ABR: variants seen among roughly 807,000 people sequenced by gnomAD.
The protein encoded by ABR is active breakpoint cluster region-related protein.
ABR carries 35 observed loss-of-function variants against 107.2 expected under a neutral mutation model. That is an observed-to-expected ratio of 0.33 (90% CI 0.25 to 0.43). ABR has a LOEUF of 0.43. Ranked by LOEUF, ABR falls within the 20% of genes least tolerant of loss-of-function variation. The pLI is 1.00. For missense variants in ABR, 815 were observed against 1,115.2 expected (o/e 0.73, Z 3.83); for synonymous variants, 498 against 462.0 (o/e 1.08, Z -1.00).
At chr17:1,215,390 T>C (rs1472066341) in intron 1 of ABR, among the ~76,000 whole-genome samples, 11 of 152,216 alleles carry the variant, frequency 7.2e-5, no homozygotes, top group South Asian at 2.1e-4. Flanking sequence ...AGGCGCGCGC[T>C]GCCATGCCTG....
chr17:1,136,095 CT>C (rs1384625889), intron 1 of ABR, among the ~76,000 whole-genome samples: 2 of 152,162 alleles, frequency 1.3e-5, no homozygotes, highest in African/African-American at 4.8e-5. Context: ...TCAGCCTGTC[CT>C]TCTGTCCTTT....
chr17:1,079,710 A>T (rs1167429877), intron 5 of ABR, among the ~76,000 whole-genome samples: 1 of 143,124 alleles, frequency 7.0e-6, no homozygotes, highest in Non-Finnish European at 1.5e-5. Flanking sequence ...AATCGCTTGA[A>T]CCTGGGAGGC....
At chr17:1,042,171 C>T (rs964280655) in intron 16 of ABR, among the ~76,000 whole-genome samples, 104 of 145,486 alleles carry the variant, frequency 7.1e-4, no homozygotes, top group Non-Finnish European at 1.2e-3. Context: ...CACGGATGGA[C>T]GGACGGACAG....
Position 1,012,740 on chromosome 17 carries a change from G to A in ABR, c.1909C>T (p.Pro637Ser). Reference protein sequence around the residue: ...TSRDMSLKRTPSKKQTGVFGV... With the variant: ...TSRDMSLKRTSSKKQTGVFGV... ...AAGACGCCGGTCTGCTTTTTGGACG[G>A]GGTCCTCTTCAGGCTCATATCTCGG... The change falls in exon 18 of 23, where the codon CCG (proline) becomes TCG (serine). Residue 637 changes from proline to serine, a missense_variant. By Grantham distance (74) the Pro-to-Ser change is moderately conservative. Transcript: ENST00000302538. The A allele has an allele frequency of 6.3e-7, 1 of 1,598,520 alleles. No individual in the cohort carries two copies. The highest frequency in any genetic ancestry group is 8.5e-7 in the Non-Finnish European group (1 of 1,171,924).
chr17:1,180,062 G>A (rs542313750), upstream of ABR, among the ~76,000 whole-genome samples: 3 of 147,822 alleles, frequency 2.0e-5, no homozygotes, highest in East Asian at 2.0e-4. Context: ...TGGTGCGGGG[G>A]CGGGGCGGGG....
chr17:1,112,285 G>A (rs1322959612), intron 2 of ABR, among the ~76,000 whole-genome samples: 1 of 152,266 alleles, frequency 6.6e-6, no homozygotes, highest in Non-Finnish European at 1.5e-5. Context: ...ACACGAGGCA[G>A]TGTTCTCGTT....
intron 16 of ABR, among the ~76,000 whole-genome samples, chr17:1,013,439 A>G (rs955126152): frequency 1.3e-5 from 2 of 149,282 alleles, no homozygotes; most frequent in African/African-American, 5.1e-5. Context: ...GGCAGGGCAC[A>G]CTCTGTTACC....
chr17:1,196,974 G>A (rs543068443), intron 1 of ABR, among the ~76,000 whole-genome samples: 1 of 151,866 alleles, frequency 6.6e-6, no homozygotes, highest in East Asian at 1.9e-4. Context: ...GATGACAGGC[G>A]TGAGCCACCG....
rs1045483775 is a variant in ABR, at chr17:1,179,929, C to T, written c.-202G>A. On this transcript the variant is annotated 5_prime_UTR_variant, in exon 1 of 23. Coordinates refer to ENST00000302538, the MANE Select transcript of ABR (RefSeq NM_021962.5). This position sits in a 1 kb window ranked among gnomAD's most constrained non-coding sequence, Gnocchi z 4.9. ...AGCCCCCAAAACCCTCCCGAACCCT[C>T]CCGGCCCCAGCGGCCGCGCCGAGCC... The T allele has an allele frequency of 2.3e-6, 1 of 437,340 alleles. No homozygotes were observed. Among genetic ancestry groups the T allele is most frequent in the East Asian group, 3.7e-5 (1 of 27,154 alleles). The allele number at this position is 437,340 out of a possible 1,614,324, so 27.1% of individuals were successfully genotyped here.
intron 16 of ABR, among the ~76,000 whole-genome samples, chr17:1,041,169 C>T (rs907468076): frequency 2.0e-5 from 3 of 152,044 alleles, no homozygotes; most frequent in African/African-American, 4.8e-5. Flanking sequence ...CCGCCCGCCT[C>T]GGCCTCCTAA....
Position 1,067,152 on chromosome 17 carries a change from C to A in ABR, c.1107G>T (p.Val369=). The A allele has an allele frequency of 6.2e-7, 1 of 1,613,802 alleles. No individual in the cohort carries two copies. The change falls in exon 10 of 23, where the codon GTG becomes GTT. Residue 369 remains valine (V), a synonymous_variant. Transcript: ENST00000302538. ...CCAGCTCATGGTCTGGGAAGGGGTG[C>A]ACCTGGGGGCTGGCCTCAGACTCCT... The part of the protein sequence containing the change: ...SPEESEASPQ[V]HPFPDHELED...
At chr17:1,215,363 C>G (rs1376858928) in intron 1 of ABR, among the ~76,000 whole-genome samples, 1 of 152,166 alleles carries the variant, frequency 6.6e-6, no homozygotes, top group Non-Finnish European at 1.5e-5. Context: ...CTCAGCCTGC[C>G]GAGTGCCTGC....
upstream of ABR, among the ~76,000 whole-genome samples, chr17:1,190,978 C>G (rs1009359576): frequency 6.6e-6 from 1 of 152,184 alleles, no homozygotes; most frequent in African/African-American, 2.4e-5. Flanking sequence ...AGCGAGTCTG[C>G]AGGGCCTGAC....
At chr17:1,033,995 G>A (rs1055988584) in intron 16 of ABR, among the ~76,000 whole-genome samples, 1 of 143,770 alleles carries the variant, frequency 7.0e-6, no homozygotes, top group Non-Finnish European at 1.5e-5. Flanking sequence ...TTTTGAGGCA[G>A]TGTCTTGCTC....
intron 18 of ABR, 34 bp downstream of exon 18, chr17:1,012,651 CCGA>C: frequency 6.6e-7 from 1 of 1,509,960 alleles, no homozygotes; most frequent in Non-Finnish European, 9.0e-7. Context: ...ACCCGGGGCA[CCGA>C]CGCCAGGACT....
At chr17:1,106,625 G>A (rs1167366076) in intron 2 of ABR, among the ~76,000 whole-genome samples, 1 of 149,708 alleles carries the variant, frequency 6.7e-6, no homozygotes, top group Non-Finnish European at 1.5e-5. Flanking sequence ...TGCCTCCCAG[G>A]TTCAAGCGAT....
intron 1 of ABR, among the ~76,000 whole-genome samples, chr17:1,196,928 T>G (rs1413608003): frequency 2.0e-5 from 3 of 151,726 alleles, no homozygotes; most frequent in Non-Finnish European, 4.4e-5. Context: ...TCTCCTGACC[T>G]CGTGATCCAT....
At position 1,210,768 on chromosome 17, in the gene ABR, C is replaced by T. The variant is rs991418063; in HGVS notation, c.838+18025G>A. On this transcript the variant is annotated intron_variant, in intron 1 of 22. Transcript: ENST00000574139. The surrounding 1 kb of genome is among the most constrained non-coding windows in gnomAD (Gnocchi z 5.6). ...ACACACAAACTCAAAAGGGCTTTTT[C>T]CTCCATGCTTTGCTTAGACCAACCT... Among the ~76,000 whole-genome samples, 1 of 152,190 alleles carries T rather than the reference C, an allele frequency of 6.6e-6. No individual in the cohort carries two copies. Among genetic ancestry groups the T allele is most frequent in the Non-Finnish European group, 1.5e-5 (1 of 68,034 alleles).
chr17:1,062,709 T>C (rs1270885058), intron 10 of ABR, among the ~76,000 whole-genome samples: 1 of 145,940 alleles, frequency 6.9e-6, no homozygotes, highest in Non-Finnish European at 1.6e-5. Flanking sequence ...ACACTGCTAT[T>C]ATGTGAACTG....
Sources: gnomAD v4.1 joint callset for allele counts (sites outside exome capture counted in the v4.1 genomes callset) on GRCh38, gnomAD v4.1.1 for gene constraint, Gnocchi (gnomAD v3.1) non-coding constraint, MANE v1.5 for transcripts, NCBI Gene and HGNC (gene_info 2026-07-23, HGNC 2026-07-21) for gene names.